Variants in TM9SF4 observed in about 807,000 individuals in gnomAD.
The protein encoded by TM9SF4 is dinucleotide oxidase disulfide thiol exchanger 3 superfamily member 4.
Under a neutral mutation model 90.4 loss-of-function variants are expected in TM9SF4, and 26 were observed. The observed-to-expected ratio is 0.29, with a 90% CI of 0.21 to 0.40. TM9SF4 has a LOEUF of 0.40. TM9SF4 is among the 10% of genes least tolerant of loss of function. The pLI is 1.00. For synonymous variants in TM9SF4, 293 were observed against 315.4 expected, an observed-to-expected ratio of 0.93 and a Z score of 0.75; for missense variants, 549 against 834.8, an observed-to-expected ratio of 0.66 and a Z score of 4.22.
chr20:32,125,815 C>T (rs980059914), intron 1 of TM9SF4, among the ~76,000 whole-genome samples: 7 of 151,006 alleles, frequency 4.6e-5, no homozygotes, highest in Non-Finnish European at 7.4e-5. Context: ...GCTACAGGCA[C>T]GTGCCATCAC....
intron 2 of TM9SF4, 28 bp from the exon 3 acceptor site, chr20:32,136,046 A>G: frequency 6.2e-7 from 1 of 1,604,914 alleles, no homozygotes; most frequent in Non-Finnish European, 8.5e-7. Flanking sequence ...ATTATTGGTC[A>G]TCTTGGTTTC....
At position 32,123,034 on chromosome 20, in the gene TM9SF4, C is replaced by T. The variant is rs1172233449; in HGVS notation, c.16-9979C>T. On this transcript the variant is annotated intron_variant, in intron 1 of 17. Transcript: ENST00000398022. ...AAATACGAAAACCAGTCAGGCGTGG[C>T]GGCGTGCGCCTGCAATTGCAGGCAC... Among the ~76,000 whole-genome samples, 11 of 150,782 alleles carry T rather than the reference C, an allele frequency of 7.3e-5. 1 individual carries two copies. The highest frequency in any genetic ancestry group is 2.1e-4 in the South Asian group (1 of 4,700).
intron 1 of TM9SF4, among the ~76,000 whole-genome samples, chr20:32,119,778 C>T (rs978253170): frequency 9.2e-5 from 14 of 151,730 alleles, no homozygotes; most frequent in African/African-American, 2.2e-4. Flanking sequence ...TTATTTTTTC[C>T]GTATAGAGGT....
Position 32,157,859 on chromosome 20 carries a change from C to T in TM9SF4, c.1395C>T (p.Tyr465=), listed in dbSNP as rs2046952245. The T allele has an allele frequency of 1.2e-6, 2 of 1,614,194 alleles. No homozygotes were observed. Among genetic ancestry groups the T allele is most frequent in the Admixed American group, 1.7e-5 (1 of 60,026 alleles). ...TCGGGATCTCCCTGCCCCTCGTCTA[C>T]TTGGGCTACTACTTCGGCTTCCGAA... The part of the protein sequence containing the change: ...MWFGISLPLV[Y]LGYYFGFRKQ... The change falls in exon 14 of 18, where the codon TAC becomes TAT. Residue 465 remains tyrosine, a synonymous_variant. Coordinates refer to ENST00000398022, the MANE Select transcript of TM9SF4 (RefSeq NM_014742.4).
At chr20:32,139,401 T>C (rs2046639029) in intron 3 of TM9SF4, among the ~76,000 whole-genome samples, 1 of 152,264 alleles carries the variant, frequency 6.6e-6, no homozygotes, top group African/African-American at 2.4e-5. Flanking sequence ...ATATGCACCA[T>C]CCCTCACTCA....
rs1172155983 is a variant in TM9SF4, at chr20:32,166,620, C to T, written c.*1176C>T. Reference sequence around the variant, plus strand: ...AAGGAAGATGGAAGGTAAGTTCTGTCGTTCTTTCCCCAATCCCCAGGAATG... The same window carrying T: ...AAGGAAGATGGAAGGTAAGTTCTGTTGTTCTTTCCCCAATCCCCAGGAATG... On this transcript the variant is annotated 3_prime_UTR_variant, in exon 18 of 18. Coordinates refer to ENST00000398022, the MANE Select transcript of TM9SF4 (RefSeq NM_014742.4). 1 of 152,326 alleles carries T rather than the reference C, an allele frequency of 6.6e-6. No homozygotes were observed. Among genetic ancestry groups the T allele is most frequent in the Admixed American group, 6.5e-5 (1 of 15,276 alleles). 9.4% of individuals were successfully genotyped at this position (152,326 alleles called of 1,614,324 possible).
intron 1 of TM9SF4, among the ~76,000 whole-genome samples, chr20:32,129,666 C>T (rs1428361113): frequency 6.7e-6 from 1 of 148,402 alleles, no homozygotes; most frequent in East Asian, 2.0e-4. Context: ...CTCACTGCAA[C>T]TTCCGCCTCC....
At chr20:32,123,683 G>A (rs181254590) in intron 1 of TM9SF4, among the ~76,000 whole-genome samples, 68 of 149,316 alleles carry the variant, frequency 4.6e-4, no homozygotes, top group Non-Finnish European at 8.6e-4. Context: ...ATACCTTCTG[G>A]ATTTTGCTTT....
intron 2 of TM9SF4, 125 bp from the exon 3 acceptor site, chr20:32,135,949 A>G: frequency 1.4e-6 from 1 of 715,534 alleles, no homozygotes; most frequent in Non-Finnish European, 2.4e-6. Flanking sequence ...AGTACATTAT[A>G]TAGTGTACTG....
chr20:32,126,552 CCAA>C (rs1348625823), intron 1 of TM9SF4, among the ~76,000 whole-genome samples: 1 of 152,082 alleles, frequency 6.6e-6, no homozygotes, highest in East Asian at 1.9e-4. Context: ...CATGTACTCC[CCAA>C]CATATTGTTC....
chr20:32,150,376 G>A (rs554163004), intron 10 of TM9SF4, among the ~76,000 whole-genome samples: 1 of 152,342 alleles, frequency 6.6e-6, no homozygotes, highest in South Asian at 2.1e-4. Flanking sequence ...CGAAAGCTGC[G>A]GTTGAGATTT....
chr20:32,157,772 C>T (rs2046950934), intron 13 of TM9SF4, 22 bp from the exon 14 acceptor site: 1 of 1,612,588 alleles, frequency 6.2e-7, no homozygotes, highest in South Asian at 1.1e-5. Flanking sequence ...CTCGTGGGGG[C>T]CTCATGGTGC....
Position 32,165,696 on chromosome 20 carries a change from T to G in TM9SF4, c.*252T>G. On this transcript the variant is annotated 3_prime_UTR_variant, in exon 18 of 18. Coordinates refer to ENST00000398022, the MANE Select transcript of TM9SF4 (RefSeq NM_014742.4). ...TGCTTTTTCTTCAGTGCTAAGAAAG[T>G]TCCCTCCAACAGGAACTCTCTGACC... 2.1e-6 allele frequency: 1 copy of G among 477,204 alleles called. No homozygotes were observed. The highest frequency in any genetic ancestry group is 3.8e-6 in the Non-Finnish European group (1 of 262,338). 29.6% of individuals were successfully genotyped at this position (477,204 alleles called of 1,614,324 possible). A position where few individuals can be genotyped will look rare whatever the true frequency, so the allele number is the denominator to read the frequency against.
chr20:32,144,544 T>TC (rs2046732110), intron 6 of TM9SF4, among the ~76,000 whole-genome samples: 2 of 152,050 alleles, frequency 1.3e-5, no homozygotes, highest in African/African-American at 4.8e-5. Flanking sequence ...GCCCCTCCCT[T>TC]CCCCCATGCA....
intron 10 of TM9SF4, among the ~76,000 whole-genome samples, chr20:32,150,099 C>G (rs541790002): frequency 1.6e-4 from 24 of 152,164 alleles, no homozygotes; most frequent in Non-Finnish European, 3.2e-4. Flanking sequence ...GGATTGAAAT[C>G]AAATATTTTT....
At chr20:32,158,630 C>A in intron 15 of TM9SF4, 116 bp downstream of exon 15, 2 of 1,000,818 alleles carry the variant, frequency 2.0e-6, no homozygotes, top group Non-Finnish European at 3.1e-6. Context: ...CTTCACCTCT[C>A]GGAGCCCCAT....
chr20:32,161,456 C>T (rs1201638990), intron 17 of TM9SF4, 91 bp downstream of exon 17: 8 of 1,232,414 alleles, frequency 6.5e-6, no homozygotes, highest in Non-Finnish European at 9.4e-6. Flanking sequence ...GTGCCTGAAT[C>T]TTCCTTTTCC....
chr20:32,164,088 C>G (rs1011806620), intron 17 of TM9SF4, among the ~76,000 whole-genome samples: 11 of 152,160 alleles, frequency 7.2e-5, no homozygotes, highest in Admixed American at 1.3e-4. Context: ...ATCTCTTCCT[C>G]CAGCCCCAAT....
intron 1 of TM9SF4, among the ~76,000 whole-genome samples, chr20:32,116,862 C>CTTTTTTTTT (rs201365030): frequency 6.5e-4 from 62 of 95,880 alleles, no homozygotes; most frequent in African/African-American, 8.9e-4. Flanking sequence ...TTTCCTTTTT[C>CTTTTTTTTT]TTTTTTTTTT....
Sources: gnomAD v4.1 joint callset for allele counts (sites outside exome capture counted in the v4.1 genomes callset) on GRCh38, gnomAD v4.1.1 for gene constraint, MANE v1.5 for transcripts, NCBI Gene and HGNC (gene_info 2026-07-23, HGNC 2026-07-21) for gene names.